Variants in COL24A1 observed in about 807,000 individuals in gnomAD.
COL24A1 encodes the protein collagen alpha-1(XXIV) chain.
COL24A1 carries 224 observed loss-of-function variants against 253.9 expected under a neutral mutation model. The observed-to-expected ratio is 0.88, with a 90% CI of 0.79 to 0.99. The LOEUF (loss-of-function observed/expected upper bound fraction) is 0.99, where lower values mean the gene tolerates loss of function less well. COL24A1 is among the 50% of genes least tolerant of loss of function. COL24A1 has a pLI of 0.00. For missense variants in COL24A1, 2,131 were observed against 2,068.5 expected (o/e 1.03, Z -0.59); for synonymous variants, 685 against 673.7 (o/e 1.02, Z -0.26).
chr1:85,778,396 C>T (rs1668814304), intron 52 of COL24A1, among the ~76,000 whole-genome samples: 1 of 151,998 alleles, frequency 6.6e-6, no homozygotes, highest in African/African-American at 2.4e-5. Flanking sequence ...AACTACTGTT[C>T]CCAACTGAGC....
intron 10 of COL24A1, 40 bp downstream of exon 10, chr1:86,057,891 G>C (rs371360094): frequency 1.6e-4 from 247 of 1,574,886 alleles, no homozygotes; most frequent in Non-Finnish European, 2.0e-4. Context: ...TCTACTTTTA[G>C]GCAAGCATGC....
At chr1:86,072,652 C>T (rs1701954043) in intron 7 of COL24A1, among the ~76,000 whole-genome samples, 1 of 152,196 alleles carries the variant, frequency 6.6e-6, no homozygotes, top group Admixed American at 6.5e-5. Context: ...TAGACTGCCT[C>T]CTCAAGTGGG....
intron 2 of COL24A1, among the ~76,000 whole-genome samples, chr1:86,135,823 T>G (rs147233759): frequency 1.9e-4 from 29 of 152,192 alleles, no homozygotes; most frequent in African/African-American, 5.5e-4. Flanking sequence ...TGTGTGTACA[T>G]TCTCATTTTT....
At position 85,775,708 on chromosome 1, in the gene COL24A1, C is replaced by T. The variant is rs1668471175; in HGVS notation, c.4340G>A (p.Gly1447Glu). ...EGIIGPTGRT[G>E]PRGEKGFRGE... ...TCTAAAGCCCTTTTCACCTCTGGGT[C>T]CCTAAAAGAAAAAAAAAAGATGTTA... Residue 1447 changes from glycine (G) to glutamate (E), a missense_variant and splice_region_variant, in exon 53 of 60, where the codon GGA (glycine) becomes GAA (glutamate). Physicochemically the swap from Gly to Glu is moderately conservative, Grantham distance 98 (BLOSUM62 -2). Coordinates refer to ENST00000370571, the MANE Select transcript of COL24A1 (RefSeq NM_152890.7). The T allele has an allele frequency of 3.7e-6, 6 of 1,600,830 alleles. No homozygotes were observed. The South Asian group carries it at 5.7e-5, about 15-fold the overall frequency.
At chr1:85,747,391 G>T (rs1206428459) in intron 55 of COL24A1, among the ~76,000 whole-genome samples, 1 of 151,890 alleles carries the variant, frequency 6.6e-6, no homozygotes, top group Non-Finnish European at 1.5e-5. Flanking sequence ...TGGGATTACA[G>T]GTATGAGCCA....
intron 46 of COL24A1, among the ~76,000 whole-genome samples, chr1:85,817,698 GAAT>G (rs1673182838): frequency 1.3e-5 from 2 of 152,050 alleles, no homozygotes; most frequent in South Asian, 4.2e-4. Context: ...AATTATGCTT[GAAT>G]ATCTCTGGCC....
intron 22 of COL24A1, among the ~76,000 whole-genome samples, chr1:85,968,517 A>G (rs1053521491): frequency 6.6e-5 from 10 of 152,162 alleles, no homozygotes; most frequent in African/African-American, 2.4e-4. Context: ...ATTTCCTAAC[A>G]AGCAAAAAGC....
Position 85,763,641 on chromosome 1 carries a change from G to A in COL24A1, c.4375-2075C>T, listed in dbSNP as rs561273405. On this transcript the variant is annotated intron_variant, in intron 53 of 59. Coordinates refer to ENST00000370571, the MANE Select transcript of COL24A1 (RefSeq NM_152890.7). ...CGAGTAGCTGGGACTACAGGCGTGC[G>A]CCACCACTCCTGGCTAATTTTTTTT... Among the ~76,000 whole-genome samples the A allele has an allele frequency of 7.9e-5, 12 of 151,612 alleles. No individual in the cohort carries two copies. In the South Asian group the frequency reaches 1.9e-3, roughly 24 times the overall value.
chr1:85,833,987 G>T (rs1675690413), intron 43 of COL24A1, among the ~76,000 whole-genome samples: 1 of 136,362 alleles, frequency 7.3e-6, no homozygotes. Context: ...GAGGGGGAAG[G>T]GATAGCATTA....
intron 19 of COL24A1, among the ~76,000 whole-genome samples, chr1:85,987,884 T>A (rs1693864198): frequency 6.6e-6 from 1 of 151,856 alleles, no homozygotes; most frequent in Non-Finnish European, 1.5e-5. Flanking sequence ...AATCCTGAGG[T>A]CCTCTAGTTC....
chr1:86,054,179 C>T (rs1700511566), intron 10 of COL24A1, among the ~76,000 whole-genome samples: 1 of 151,920 alleles, frequency 6.6e-6, no homozygotes, highest in Non-Finnish European at 1.5e-5. Context: ...TATGTAAGAC[C>T]TCAAACTATA....
At chr1:86,134,664 T>C (rs141386025) in intron 2 of COL24A1, among the ~76,000 whole-genome samples, 1,616 of 145,872 alleles carry the variant, frequency 0.011, 31 homozygotes, top group East Asian at 0.07. Flanking sequence ...CGGTTTTCAG[T>C]GAGTTTCTTA....
At chr1:85,889,918 T>C (rs1475591226) in intron 31 of COL24A1, among the ~76,000 whole-genome samples, 1 of 152,086 alleles carries the variant, frequency 6.6e-6, no homozygotes, top group Admixed American at 6.5e-5. Flanking sequence ...CACCCCTTTT[T>C]TTCTATTTCC....
At chr1:85,926,798 C>G (rs1229232999) in intron 24 of COL24A1, among the ~76,000 whole-genome samples, 2 of 151,548 alleles carry the variant, frequency 1.3e-5, no homozygotes, top group African/African-American at 4.9e-5. Flanking sequence ...CACATGTACC[C>G]TAGAACTTAA....
At chr1:86,055,963 C>A (rs939608485) in intron 10 of COL24A1, among the ~76,000 whole-genome samples, 1 of 151,862 alleles carries the variant, frequency 6.6e-6, no homozygotes, top group African/African-American at 2.4e-5. Flanking sequence ...ACTAAAAATA[C>A]AAAAATTAGC....
At chr1:85,819,425 C>A (rs12091583) in intron 45 of COL24A1, among the ~76,000 whole-genome samples, 50,431 of 151,716 alleles carry the variant, frequency 0.33, 9,633 homozygotes, top group Non-Finnish European at 0.43. Flanking sequence ...TTTTATGCAA[C>A]GAGATATATC....
Position 85,874,634 on chromosome 1 carries a change from CA to C in COL24A1, c.3138+14del. The C allele has an allele frequency of 6.2e-7, 1 of 1,611,434 alleles. No homozygotes were observed. The highest frequency in any genetic ancestry group is 8.5e-7 in the Non-Finnish European group (1 of 1,179,194). ...GTGGGTTAGTGTATTAAAAGAGTTTCAAGGGGGCACTCACCCGTAAACCTGG... is the reference window on the plus strand; with the variant it reads ...GTGGGTTAGTGTATTAAAAGAGTTTCAGGGGGCACTCACCCGTAAACCTGG... On this transcript the variant is annotated intron_variant, in intron 35 of 59. Coordinates refer to ENST00000370571, the MANE Select transcript of COL24A1 (RefSeq NM_152890.7).
intron 55 of COL24A1, among the ~76,000 whole-genome samples, chr1:85,748,385 G>A (rs2785081): frequency 0.43 from 64,657 of 152,016 alleles, 14,407 homozygotes; most frequent in South Asian, 0.57. Context: ...TTTCATCTAC[G>A]AAATATTAAA....
intron 47 of COL24A1, among the ~76,000 whole-genome samples, chr1:85,792,552 AG>A (rs1288993453): frequency 1.7e-3 from 263 of 150,846 alleles, no homozygotes; most frequent in African/African-American, 5.6e-3. Context: ...AAAGGAAAAA[AG>A]TAGTTACCAG....
Sources: allele counts gnomAD v4.1 joint callset (sites outside exome capture counted in the v4.1 genomes callset), GRCh38; gene constraint gnomAD v4.1.1; transcripts MANE v1.5; gene names NCBI Gene and HGNC (gene_info 2026-07-23, HGNC 2026-07-21).